The following NAV1 variants were observed in gnomAD, a reference collection of about 807,000 sequenced individuals.
The protein encoded by NAV1 is pore membrane and/or filament interacting like protein 3.
NAV1 carries 18 observed loss-of-function variants against 175.2 expected under a neutral mutation model. The ratio of observed to expected loss-of-function variants is 0.10; its 90% CI spans 0.07 to 0.15. NAV1 has a LOEUF of 0.15. Ranked by LOEUF, NAV1 falls within the 10% of genes least tolerant of loss-of-function variation. The probability of loss-of-function intolerance (pLI) is 1.00; values close to 1 mark genes in which losing one functional copy is unlikely to be tolerated. For missense variants in NAV1, 1,731 were observed against 2,436.6 expected (o/e 0.71, Z 6.10); for synonymous variants, 897 against 978.7 (o/e 0.92, Z 1.56).
In NAV1 at chr1:201,782,738, A is replaced by G; in HGVS notation, c.2226A>G (p.Lys742=). 1 of 1,614,096 alleles carries G rather than the reference A, an allele frequency of 6.2e-7. No individual in the cohort carries two copies. The highest frequency in any genetic ancestry group is 8.5e-7 in the Non-Finnish European group (1 of 1,179,982). Residue 742 remains lysine, a synonymous_variant, in exon 6 of 30, where the codon AAA becomes AAG. Coordinates refer to ENST00000367296, the Ensembl canonical transcript of NAV1. The surrounding 1 kb of genome is among the most constrained non-coding windows in gnomAD (Gnocchi z 5.4). The stretch of plus-strand genomic sequence containing the variant: ...CAGATCGGGAAAAGGAGAAGGCCAA[A>G]GCCAAGGCAGTGGCCTTGGACTCAG...
At chr1:201,795,551 G>C (rs546243367) in intron 15 of NAV1, 1 of 152,176 alleles carries the variant, frequency 6.6e-6, no homozygotes, top group Admixed American at 6.5e-5. Context: ...GGGGAAAGAT[G>C]TATCAATCTA....
exon 5 of NAV1, chr1:201,781,085 C>A: frequency 6.2e-7 from 1 of 1,614,144 alleles, no homozygotes; most frequent in Non-Finnish European, 8.5e-7. Context: ...GAGGAGAAAG[C>A]CCCTAAAAAA....
chr1:201,541,698 C>T (rs1272054176), intron 1 of NAV1, among the ~76,000 whole-genome samples: 7 of 152,116 alleles, frequency 4.6e-5, no homozygotes, highest in African/African-American at 7.2e-5. Context: ...TGCTTGAACC[C>T]GGGAGGCAGA....
chr1:201,787,526 T>C lies in NAV1; in HGVS notation c.2996-942T>C. ...TGGAGGATGGGGCCAGCTTGTTCTC[T>C]ATCTCCATTGAAGACCAAATAAGAA... On this transcript the variant is annotated intron_variant, in intron 9 of 29. Transcript: ENST00000367296. This position sits in a 1 kb window ranked among gnomAD's most constrained non-coding sequence, Gnocchi z 4.3. 2.5e-6 allele frequency: 1 copy of C among 394,104 alleles called. No homozygotes were observed. Among genetic ancestry groups the C allele is most frequent in the South Asian group, 1.9e-5 (1 of 52,348 alleles). The allele number at this position is 394,104 out of a possible 1,614,324, so 24.4% of individuals were successfully genotyped here.
At chr1:201,754,777 C>T (rs1674350146) in intron 3 of NAV1, among the ~76,000 whole-genome samples, 2 of 152,100 alleles carry the variant, frequency 1.3e-5, no homozygotes, top group East Asian at 1.9e-4. Context: ...TTATTTGTAC[C>T]ACAGGATTTG....
intron 3 of NAV1, among the ~76,000 whole-genome samples, chr1:201,759,333 G>A (rs1281903564): frequency 6.6e-6 from 1 of 152,216 alleles, no homozygotes; most frequent in East Asian, 1.9e-4. Context: ...TTTGATGCAA[G>A]CTTAGAGGCA....
At chr1:201,618,420 G>A (rs928434437), upstream of NAV1, among the ~76,000 whole-genome samples, 2 of 152,162 alleles carry the variant, frequency 1.3e-5, no homozygotes, top group Non-Finnish European at 2.9e-5. Flanking sequence ...GAGAATAAGA[G>A]AAGGAAAAGA....
chr1:201,619,101 G>C (rs113884373), upstream of NAV1, among the ~76,000 whole-genome samples: 2,798 of 152,296 alleles, frequency 0.018, 91 homozygotes, highest in African/African-American at 0.063. Flanking sequence ...GCAGTGGAGA[G>C]GGAGGGGTAG....
rs1037109953 is a variant in NAV1, at chr1:201,783,783, C to T, written c.2735C>T (p.Ala912Val). ...GTCCCCACCCCACCTGCTCCCCCTG[C>T]TGCTCCCACAGAAGAAGAGACGGAA... Residue 912 changes from alanine (A) to valine (V), a missense_variant, in exon 7 of 30, where the codon GCT becomes GTT. Transcript: ENST00000367296. 2.1e-5 allele frequency: 34 copies of T among 1,614,154 alleles called. No homozygotes were observed. The Middle Eastern group carries it at 4.9e-4, about 23-fold the overall frequency.
chr1:201,544,411 C>T (rs944448307), intron 1 of NAV1, among the ~76,000 whole-genome samples: 1 of 152,134 alleles, frequency 6.6e-6, no homozygotes, highest in Non-Finnish European at 1.5e-5. Context: ...GAGTAAATAC[C>T]AACTTCTGTA....
intron 1 of NAV1, among the ~76,000 whole-genome samples, chr1:201,578,739 A>G (rs1265413004): frequency 6.6e-6 from 1 of 152,224 alleles, no homozygotes; most frequent in East Asian, 1.9e-4. Context: ...AAGTGGGAGC[A>G]CAATTTTTCC....
intron 3 of NAV1, among the ~76,000 whole-genome samples, chr1:201,771,423 C>G (rs1303801873): frequency 6.8e-6 from 1 of 147,292 alleles, no homozygotes; most frequent in Non-Finnish European, 1.5e-5. Context: ...TGCTTGAACC[C>G]GGGAGGCGGA....
chr1:201,541,991 G>C (rs1665529302), intron 1 of NAV1, among the ~76,000 whole-genome samples: 1 of 152,078 alleles, frequency 6.6e-6, no homozygotes, highest in Non-Finnish European at 1.5e-5. Flanking sequence ...TTGACTTCTT[G>C]AAGGGTTTGG....
rs552955570 is a variant in NAV1 at position 201,703,652 on chromosome 1, C to T, written c.758-9165C>T. On this transcript the variant is annotated intron_variant, in intron 1 of 29. Transcript: ENST00000367296. ...GTGGAGGTATTGCTTTCTCCTGGAA[C>T]TTTAAGCTCGTCTCCCCGGCCCAAG... Among the ~76,000 whole-genome samples the T allele has an allele frequency of 2.0e-5, 3 of 152,356 alleles. No individual in the cohort carries two copies. The South Asian group carries it at 6.2e-4, about 32-fold the overall frequency.
intron 1 of NAV1, among the ~76,000 whole-genome samples, chr1:201,697,457 T>C (rs1331017107): frequency 6.6e-6 from 1 of 152,198 alleles, no homozygotes; most frequent in Non-Finnish European, 1.5e-5. Flanking sequence ...GCTCATACCT[T>C]GCCCCCAGCT....
chr1:201,747,114 G>A (rs754743075), intron 3 of NAV1, among the ~76,000 whole-genome samples: 1 of 152,168 alleles, frequency 6.6e-6, no homozygotes, highest in Non-Finnish European at 1.5e-5. Context: ...GAATTGATGG[G>A]GCAGTGGATC....
rs1004724112 is a variant in NAV1, at chr1:201,694,131, G to C, written c.758-18686G>C. Among the ~76,000 whole-genome samples, 6 of 152,224 alleles carry C rather than the reference G, an allele frequency of 3.9e-5. No homozygotes were observed. The highest frequency in any genetic ancestry group is 1.2e-4 in the African/African-American group (5 of 41,474). Reference sequence around the variant, plus strand: ...CCCAGGAGCAAAGCCTTGGCCCGCTGTTCCCATGGCAACCGCCAGTCAGTG... The same window carrying C: ...CCCAGGAGCAAAGCCTTGGCCCGCTCTTCCCATGGCAACCGCCAGTCAGTG... On this transcript the variant is annotated intron_variant, in intron 1 of 29. Coordinates refer to ENST00000367296, the Ensembl canonical transcript of NAV1. The surrounding 1 kb of genome is among the most constrained non-coding windows in gnomAD (Gnocchi z 4.2).
chr1:201,674,761 G>T (rs1670177947), intron 1 of NAV1, among the ~76,000 whole-genome samples: 1 of 152,112 alleles, frequency 6.6e-6, no homozygotes, highest in Non-Finnish European at 1.5e-5. Flanking sequence ...AACTGGCTGG[G>T]CACGGTGGCT....
chr1:201,663,742 G>T lies in NAV1; in HGVS notation c.757+14317G>T, dbSNP rs1298395785. Among the ~76,000 whole-genome samples the T allele has an allele frequency of 6.6e-5, 10 of 152,196 alleles. No homozygotes were observed. In the East Asian group the frequency reaches 1.9e-3, roughly 29 times the overall value. ...ATCCATTATTTCCCACAAGCATGGG[G>T]CTGGAGCTAGGGTATTGGGTTGTGG... On this transcript the variant is annotated intron_variant, in intron 1 of 29. Transcript: ENST00000367296.
Sources: allele counts gnomAD v4.1 joint callset (sites outside exome capture counted in the v4.1 genomes callset), GRCh38; gene constraint gnomAD v4.1.1; non-coding constraint Gnocchi (gnomAD v3.1); transcripts MANE v1.5; gene names NCBI Gene and HGNC (gene_info 2026-07-23, HGNC 2026-07-21).